EXOSC10: variants seen among roughly 807,000 people sequenced by gnomAD.
EXOSC10 encodes exosome complex component 10.
EXOSC10 carries 94 observed loss-of-function variants against 126.6 expected under a neutral mutation model. That is an observed-to-expected ratio of 0.74 (90% CI 0.63 to 0.88). The LOEUF (loss-of-function observed/expected upper bound fraction) is 0.88, where lower values mean the gene tolerates loss of function less well. Ranked by LOEUF, EXOSC10 falls within the 40% of genes least tolerant of loss-of-function variation. The pLI, the probability that EXOSC10 is intolerant of heterozygous loss-of-function variation, is 0.00. For missense variants in EXOSC10, 1,041 were observed against 1,100.5 expected (o/e 0.95, Z 0.77); for synonymous variants, 395 against 400.8 (o/e 0.99, Z 0.17).
chr1:11,070,135 G>C (rs868852819), intron 21 of EXOSC10, among the ~76,000 whole-genome samples: 1 of 151,928 alleles, frequency 6.6e-6, no homozygotes, highest in Non-Finnish European at 1.5e-5. Flanking sequence ...TACTTGGGAG[G>C]CTGAGGTGGG....
intron 22 of EXOSC10, among the ~76,000 whole-genome samples, chr1:11,069,082 T>A (rs1445917206): frequency 6.6e-6 from 1 of 152,108 alleles, no homozygotes; most frequent in Non-Finnish European, 1.5e-5. Flanking sequence ...CTCTGCTTTC[T>A]CTTTTCCAAA....
At chr1:11,075,751 G>A (rs1416830075) in intron 17 of EXOSC10, among the ~76,000 whole-genome samples, 1 of 151,260 alleles carries the variant, frequency 6.6e-6, no homozygotes, top group Non-Finnish European at 1.5e-5. Flanking sequence ...CTCGAGAGAA[G>A]GCTGGGGCAG....
chr1:11,098,437 A>G (rs968454096), intron 1 of EXOSC10, among the ~76,000 whole-genome samples: 1 of 152,232 alleles, frequency 6.6e-6, no homozygotes, highest in African/African-American at 2.4e-5. Flanking sequence ...TGACTCTGCT[A>G]CGTATTAACT....
At chr1:11,070,778 C>T (rs1196574083) in intron 21 of EXOSC10, 122 bp downstream of exon 21, 9 of 822,452 alleles carry the variant, frequency 1.1e-5, no homozygotes, top group South Asian at 1.7e-5. Context: ...TAAGGTGAAC[C>T]GGAAAGAAGT....
rs200789910 is a variant in EXOSC10, at chr1:11,080,436, G to A, written c.1637+63C>T. 500 of 1,596,178 alleles carry A rather than the reference G, an allele frequency of 3.1e-4. 2 individuals are homozygous for A. The highest frequency in any genetic ancestry group is 7.3e-4 in the Admixed American group (43 of 58,642). ...TGGGTAATAGCAACCAGAAAAGCTTGATTTTGAAGAACATCAGATCTACTG... is the reference window on the plus strand; with the variant it reads ...TGGGTAATAGCAACCAGAAAAGCTTAATTTTGAAGAACATCAGATCTACTG... On this transcript the variant is annotated intron_variant, in intron 13 of 24. Transcript: ENST00000376936.
At chr1:11,090,883 C>G in intron 5 of EXOSC10, 131 bp downstream of exon 5, 1 of 1,075,788 alleles carries the variant, frequency 9.3e-7, no homozygotes. Context: ...TCTGGAATAG[C>G]TGAACTGGGC....
At chr1:11,068,416 G>A in intron 23 of EXOSC10, 1 of 597,030 alleles carries the variant, frequency 1.7e-6, no homozygotes, top group Non-Finnish European at 3.0e-6. Flanking sequence ...TAGTTCCCAT[G>A]GTAGCAAACA....
At chr1:11,088,339 C>T in intron 6 of EXOSC10, 141 bp from the exon 7 acceptor site, 1 of 582,990 alleles carries the variant, frequency 1.7e-6, no homozygotes, top group South Asian at 2.2e-5. Flanking sequence ...GAGCTTATTT[C>T]AGTAATTCAA....
At chr1:11,099,445 G>A (rs562651924) in intron 1 of EXOSC10, among the ~76,000 whole-genome samples, 1 of 152,354 alleles carries the variant, frequency 6.6e-6, no homozygotes. Context: ...GGCTAGGGAC[G>A]TCTGGGTGGC....
Position 11,068,103 on chromosome 1 carries a change from G to GT in EXOSC10, c.2551-20dup. The GT allele has an allele frequency of 6.2e-7, 1 of 1,610,682 alleles. No homozygotes were observed. Among genetic ancestry groups the GT allele is most frequent in the Non-Finnish European group, 8.5e-7 (1 of 1,177,068 alleles). On this transcript the variant is annotated intron_variant, in intron 23 of 24. Coordinates refer to ENST00000376936, the MANE Select transcript of EXOSC10 (RefSeq NM_001001998.3). Reference sequence around the variant, plus strand: ...TGCATTTCTGAAAAGAAAAGAAACCGTTTAAGCTGGGTGGGCACCTTGACC... The same window carrying GT: ...TGCATTTCTGAAAAGAAAAGAAACCGTTTTAAGCTGGGTGGGCACCTTGACC...
chr1:11,081,073 G>GAGGTGTACCTTGAGGC lies in EXOSC10; in HGVS notation c.1430_1437+8dup, dbSNP rs775335248. On this transcript the variant is annotated intron_variant, in intron 11 of 24. Coordinates refer to ENST00000376936, the MANE Select transcript of EXOSC10 (RefSeq NM_001001998.3). ...TGTCGCGGTCTGTGTGACTGCGGCT[G>GAGGTGTACCTTGAGGC]AGGTGTACCTTGAGGCAGATGTCCC... 2.5e-6 allele frequency: 4 copies of GAGGTGTACCTTGAGGC among 1,613,990 alleles called. No individual in the cohort carries two copies. In the South Asian group the frequency reaches 4.4e-5, roughly 18 times the overall value.
intron 17 of EXOSC10, 75 bp from the exon 18 acceptor site, chr1:11,074,401 C>A: frequency 4.9e-6 from 5 of 1,029,942 alleles, no homozygotes; most frequent in Admixed American, 2.1e-5. Context: ...AAGAGAGCAA[C>A]AGTTAACAGT....
Position 11,070,161 on chromosome 1 carries a change from C to G in EXOSC10, c.2317-431G>C, listed in dbSNP as rs1425646770. On this transcript the variant is annotated intron_variant, in intron 21 of 24. Transcript: ENST00000376936. ...CTGAGGTGGGAGGATCACTTGAACC[C>G]AGGAGTACAAGGCTGCAATGAGCTA... Among the ~76,000 whole-genome samples, 5 of 151,106 alleles carry G rather than the reference C, an allele frequency of 3.3e-5. No homozygotes were observed. The South Asian group carries it at 8.4e-4, about 25-fold the overall frequency.
intron 6 of EXOSC10, among the ~76,000 whole-genome samples, chr1:11,088,788 G>A (rs1185609917): frequency 6.6e-6 from 1 of 152,222 alleles, no homozygotes; most frequent in East Asian, 1.9e-4. Context: ...CTCTATGTGA[G>A]GAAAAGGCCA....
intron 24 of EXOSC10, 109 bp from the exon 25 acceptor site, chr1:11,066,857 T>C: frequency 7.2e-7 from 1 of 1,385,810 alleles, no homozygotes; most frequent in Non-Finnish European, 1.0e-6. Context: ...GGAAGAATGG[T>C]TTGCTCAGGG....
At chr1:11,074,054 C>G (rs1311229383) in intron 18 of EXOSC10, 46 bp from the exon 19 acceptor site, 3 of 1,586,580 alleles carry the variant, frequency 1.9e-6, no homozygotes, top group Non-Finnish European at 2.6e-6. Flanking sequence ...GGAACGGAAT[C>G]TAGAGCCACG....
Position 11,080,450 on chromosome 1 carries a change from T to C in EXOSC10, c.1637+49A>G, listed in dbSNP as rs376175287. On this transcript the variant is annotated intron_variant, in intron 13 of 24. Coordinates refer to ENST00000376936, the MANE Select transcript of EXOSC10 (RefSeq NM_001001998.3). ...CAGAAAAGCTTGATTTTGAAGAACA[T>C]CAGATCTACTGAGAAAGTCAGAACA... The C allele has an allele frequency of 1.8e-4, 284 of 1,606,686 alleles. 1 individual carries two copies. The highest frequency in any genetic ancestry group is 2.3e-4 in the Non-Finnish European group (272 of 1,175,080).
chr1:11,069,294 GCGCC>G (rs1239601770), intron 22 of EXOSC10, among the ~76,000 whole-genome samples: 2 of 109,668 alleles, frequency 1.8e-5, no homozygotes, highest in Admixed American at 2.3e-4. Context: ...AGGAAGGATG[GCGCC>G]CTGGTCACAG....
chr1:11,098,197 C>A (rs1641223449), intron 1 of EXOSC10, 41 bp from the exon 2 acceptor site: 9 of 1,562,818 alleles, frequency 5.8e-6, no homozygotes, highest in Non-Finnish European at 6.9e-6. Flanking sequence ...ACACAGGGAT[C>A]CCCATTCATT....
Sources: gnomAD v4.1 joint callset for allele counts (sites outside exome capture counted in the v4.1 genomes callset) on GRCh38, gnomAD v4.1.1 for gene constraint, MANE v1.5 for transcripts, NCBI Gene and HGNC (gene_info 2026-07-23, HGNC 2026-07-21) for gene names.